Variants in NSMCE4A observed in about 807,000 individuals in gnomAD.
NSMCE4A encodes non-structural maintenance of chromosomes element 4 homolog A.
Under a neutral mutation model 47.9 loss-of-function variants are expected in NSMCE4A, and 40 were observed. That is an observed-to-expected ratio of 0.83 (90% CI 0.65 to 1.09). NSMCE4A has a LOEUF of 1.09. Ranked by LOEUF, NSMCE4A falls within the 50% of genes least tolerant of loss-of-function variation. The probability of loss-of-function intolerance (pLI) is 0.00; values close to 1 mark genes in which losing one functional copy is unlikely to be tolerated. For missense variants in NSMCE4A, 500 were observed against 507.0 expected (o/e 0.99, Z 0.13); for synonymous variants, 166 against 178.5 (o/e 0.93, Z 0.56).
At chr10:121,964,143 CTTT>C (rs1244382975) in intron 5 of NSMCE4A, among the ~76,000 whole-genome samples, 23 of 127,492 alleles carry the variant, frequency 1.8e-4, no homozygotes, top group Non-Finnish European at 3.0e-4. Context: ...GTTTCAGTAA[CTTT>C]TTTTTTTTTT....
At position 121,960,605 on chromosome 10, in the gene NSMCE4A, C is replaced by G. The variant is rs902901012; in HGVS notation, c.940-199G>C. ...GGTATCTTTGGGTTTCTAATCAGCT[C>G]TTTCACCCAGACACAGCCTCCATCC... On this transcript the variant is annotated intron_variant, in intron 7 of 10. Transcript: ENST00000369023. This position sits in a 1 kb window ranked among gnomAD's most constrained non-coding sequence, Gnocchi z 4.2. Among the ~76,000 whole-genome samples the G allele has an allele frequency of 3.9e-5, 6 of 152,188 alleles. No homozygotes were observed. Among genetic ancestry groups the G allele is most frequent in the African/African-American group, 1.4e-4 (6 of 41,454 alleles).
intron 2 of NSMCE4A, 32 bp from the exon 3 acceptor site, chr10:121,971,101 A>G (rs749067093): frequency 3.3e-5 from 52 of 1,590,532 alleles, no homozygotes; most frequent in Admixed American, 1.9e-4. Context: ...TATTCACATT[A>G]CAAAATACAC....
At chr10:121,974,591 A>G in intron 1 of NSMCE4A, 1 of 1,040,726 alleles carries the variant, frequency 9.6e-7, no homozygotes, top group Non-Finnish European at 1.2e-6. Context: ...GCCTCTCCCC[A>G]CTGGCTGGCT....
chr10:121,972,827 G>GC (rs2134789479), intron 2 of NSMCE4A, among the ~76,000 whole-genome samples: 1 of 152,306 alleles, frequency 6.6e-6, no homozygotes, highest in South Asian at 2.1e-4. Flanking sequence ...ATGGGGAATG[G>GC]TAAGGAGGCT....
chr10:121,971,296 G>A (rs1268326335), intron 2 of NSMCE4A, among the ~76,000 whole-genome samples: 3 of 152,078 alleles, frequency 2.0e-5, no homozygotes, highest in African/African-American at 7.2e-5. Context: ...GGATCACGAG[G>A]TCAGGAGATC....
At chr10:121,967,216 TGA>T (rs1355726332) in intron 4 of NSMCE4A, 1 of 154,330 alleles carries the variant, frequency 6.5e-6, no homozygotes, top group East Asian at 1.9e-4. Context: ...TTTTCTTTTT[TGA>T]GACAGGGTCT....
chr10:121,964,352 C>G (rs1230914179), intron 5 of NSMCE4A, among the ~76,000 whole-genome samples: 2 of 152,092 alleles, frequency 1.3e-5, no homozygotes, highest in Non-Finnish European at 2.9e-5. Context: ...ACCATGTTGG[C>G]CAGGCTGGTT....
intron 2 of NSMCE4A, among the ~76,000 whole-genome samples, 191 bp from the exon 3 acceptor site, chr10:121,971,260 C>T (rs1383725678): frequency 6.6e-6 from 1 of 152,076 alleles, no homozygotes; most frequent in African/African-American, 2.4e-5. Context: ...CCTGTAATCC[C>T]AGCACTTTGG....
At chr10:121,973,489 A>C (rs1252000744) in intron 2 of NSMCE4A, among the ~76,000 whole-genome samples, 1 of 152,086 alleles carries the variant, frequency 6.6e-6, no homozygotes, top group East Asian at 1.9e-4. Flanking sequence ...GTGCTCTGGG[A>C]TCTCTCTCAC....
intron 8 of NSMCE4A, 100 bp from the exon 9 acceptor site, chr10:121,959,695 G>T: frequency 1.3e-6 from 1 of 755,076 alleles, no homozygotes; most frequent in Non-Finnish European, 2.3e-6. Flanking sequence ...AACCTGTATT[G>T]AAAAGATACT....
chr10:121,974,004 C>A lies in NSMCE4A; in HGVS notation c.370G>T (p.Val124Leu). 6.3e-7 allele frequency: 1 copy of A among 1,580,910 alleles called. No individual in the cohort carries two copies. The highest frequency in any genetic ancestry group is 2.3e-5 in the East Asian group (1 of 44,216). ...AATAACATATAAAATAACAAATTAC[C>A]TTCATTAAACAGAGTGTTAGCCTCT... ...LEEANTLFNE[V>L]SRAREAVLDA... is the part of the protein sequence containing the mutation. Residue 124 changes from valine to leucine, a missense_variant and splice_region_variant, in exon 2 of 11, where the codon GTG becomes TTG. Val to Leu is a conservative substitution (Grantham distance 32, BLOSUM62 1). Coordinates refer to ENST00000369023, the MANE Select transcript of NSMCE4A (RefSeq NM_017615.3).
chr10:121,962,078 C>G (rs1285453323), intron 6 of NSMCE4A: 1 of 381,240 alleles, frequency 2.6e-6, no homozygotes, highest in Non-Finnish European at 5.1e-6. Context: ...CCACTGCATT[C>G]CAGTCTGGGC....
In NSMCE4A at chr10:121,971,004, CTT is replaced by C. The variant is rs1952698376; in HGVS notation, c.434_435del (p.Lys145ArgfsTer14). On this transcript the variant is annotated frameshift_variant, in exon 3 of 11. Transcript: ENST00000369023. LOFTEE classifies it high-confidence loss of function. ...HFLVLASDLG[K>X]EKAKQLRSDL... is the part of the protein sequence containing the mutation. ...TCTGAGCGCAGCTGCTTTGCTTTCT[CTT>C]TGCCCAAATCTGAAGCCAAAACAAG... 6.2e-7 allele frequency: 1 copy of C among 1,613,972 alleles called. No individual in the cohort carries two copies. The highest frequency in any genetic ancestry group is 8.5e-7 in the Non-Finnish European group (1 of 1,179,978).
chr10:121,967,620 A>G (rs757527860), intron 4 of NSMCE4A, 35 bp downstream of exon 4: 1 of 1,592,598 alleles, frequency 6.3e-7, no homozygotes, highest in Non-Finnish European at 8.5e-7. Context: ...AGGTTCACAA[A>G]TAACTGGTCT....
intron 3 of NSMCE4A, among the ~76,000 whole-genome samples, chr10:121,969,233 G>A (rs1279557846): frequency 6.6e-6 from 1 of 152,150 alleles, no homozygotes; most frequent in Non-Finnish European, 1.5e-5. Flanking sequence ...TTCTTGGGAG[G>A]CTGAGGCAGG....
chr10:121,959,730 T>A, intron 8 of NSMCE4A, 135 bp from the exon 9 acceptor site: 1 of 636,934 alleles, frequency 1.6e-6, no homozygotes, highest in Admixed American at 2.8e-5. Context: ...CTTTTTAGGA[T>A]TTCATGCATT....
chr10:121,974,305 CCTT>C, intron 1 of NSMCE4A: 5 of 1,349,838 alleles, frequency 3.7e-6, no homozygotes, highest in Non-Finnish European at 3.8e-6. Context: ...CTCCCTCTAA[CCTT>C]AACCCAAAGG....
chr10:121,963,399 C>T (rs556459728), intron 5 of NSMCE4A, 71 bp from the exon 6 acceptor site: 36 of 824,516 alleles, frequency 4.4e-5, no homozygotes, highest in Non-Finnish European at 1.4e-5. Flanking sequence ...CTCTTGCACA[C>T]CCAAACTCCT....
chr10:121,974,918 C>T lies in NSMCE4A; in HGVS notation c.248G>A (p.Arg83His). The stretch of plus-strand genomic sequence containing the variant: ...CGCCCGGTACTGATGGCGGATCTGG[C>T]GGCACAGGCCTTGGTCGGCCTCCGC... ...LEAEADQGLC[R>H]QIRHQYRALI... is the part of the protein sequence containing the mutation. Residue 83 changes from arginine to histidine, a missense_variant, in exon 1 of 11, where the codon CGC (arginine) becomes CAC (histidine). Coordinates refer to ENST00000369023, the MANE Select transcript of NSMCE4A (RefSeq NM_017615.3). The T allele has an allele frequency of 6.5e-7, 1 of 1,529,308 alleles. No homozygotes were observed. The highest frequency in any genetic ancestry group is 1.4e-5 in the African/African-American group (1 of 69,740). The allele number at this position is 1,529,308 out of a possible 1,614,324, so 94.7% of individuals were successfully genotyped here.
Sources: gnomAD v4.1 joint callset for allele counts (sites outside exome capture counted in the v4.1 genomes callset) on GRCh38, gnomAD v4.1.1 for gene constraint, Gnocchi (gnomAD v3.1) non-coding constraint, MANE v1.5 for transcripts, NCBI Gene and HGNC (gene_info 2026-07-23, HGNC 2026-07-21) for gene names.